DLGAP2: variants seen among roughly 807,000 people sequenced by gnomAD.
The protein encoded by DLGAP2 is disks large-associated protein 2.
Under a neutral mutation model 100.3 loss-of-function variants are expected in DLGAP2, and 26 were observed. The ratio of observed to expected loss-of-function variants is 0.26; its 90% CI spans 0.19 to 0.36. The LOEUF is 0.36. DLGAP2 is among the 10% of genes least tolerant of loss of function. The pLI, the probability that DLGAP2 is intolerant of heterozygous loss-of-function variation, is 1.00. For missense variants in DLGAP2, 1,858 were observed against 1,453.2 expected (o/e 1.28, Z -4.53); for synonymous variants, 886 against 630.1 (o/e 1.41, Z -6.08).
chr8:1,546,420 C>G (rs1175363889), intron 4 of DLGAP2, among the ~76,000 whole-genome samples: 2 of 152,214 alleles, frequency 1.3e-5, no homozygotes, highest in African/African-American at 4.8e-5. Flanking sequence ...AGAAGCCGGT[C>G]CCTGACTTCC....
At chr8:1,612,436 C>T (rs1366338486) in intron 6 of DLGAP2, among the ~76,000 whole-genome samples, 2 of 138,794 alleles carry the variant, frequency 1.4e-5, no homozygotes, top group African/African-American at 2.7e-5. Flanking sequence ...ACCATAAAAA[C>T]CCTAGAAGAA....
chr8:1,691,443 G>A (rs1799257736), intron 12 of DLGAP2, 92 bp from the exon 13 acceptor site: 2 of 1,074,778 alleles, frequency 1.9e-6, no homozygotes, highest in East Asian at 2.5e-5. Flanking sequence ...TCTCCAGTGG[G>A]ACTCGCTCCC....
chr8:1,127,671 G>A (rs1796199136), intron 2 of DLGAP2, among the ~76,000 whole-genome samples: 1 of 152,198 alleles, frequency 6.6e-6, no homozygotes, highest in Non-Finnish European at 1.5e-5. Context: ...GCAGAACCCT[G>A]GAGGGGAGAG....
At chr8:1,556,388 G>A (rs73671209) in intron 5 of DLGAP2, among the ~76,000 whole-genome samples, 1,806 of 152,114 alleles carry the variant, frequency 0.012, 50 homozygotes, top group African/African-American at 0.041. Flanking sequence ...GCAGGTGGAC[G>A]GGGTTTGGCT....
At chr8:1,606,283 A>G (rs1447524285) in intron 6 of DLGAP2, among the ~76,000 whole-genome samples, 5 of 151,166 alleles carry the variant, frequency 3.3e-5, no homozygotes, top group East Asian at 1.9e-4. Context: ...GAACCATACA[A>G]TTCATCCACT....
chr8:1,524,536 A>G (rs922662585), intron 4 of DLGAP2, among the ~76,000 whole-genome samples: 56 of 152,176 alleles, frequency 3.7e-4, no homozygotes, highest in African/African-American at 1.3e-3. Flanking sequence ...GGCAGAGCTG[A>G]ATCCTGCTGA....
At chr8:748,423 T>G (rs985826895) in intron 1 of DLGAP2, among the ~76,000 whole-genome samples, 1 of 151,770 alleles carries the variant, frequency 6.6e-6, no homozygotes. Flanking sequence ...GCCACAGGGG[T>G]GCAGGGCCCC....
intron 2 of DLGAP2, among the ~76,000 whole-genome samples, chr8:1,195,013 C>T (rs1369525846): frequency 1.3e-5 from 2 of 152,272 alleles, no homozygotes; most frequent in African/African-American, 2.4e-5. Context: ...GTGCCCTGCT[C>T]TCCTGAGAAG....
intron 1 of DLGAP2, among the ~76,000 whole-genome samples, chr8:889,632 C>T (rs922008575): frequency 1.3e-5 from 2 of 152,204 alleles, no homozygotes; most frequent in African/African-American, 2.4e-5. Context: ...ATTCAGCTTC[C>T]CTGGCTCCAG....
intron 3 of DLGAP2, among the ~76,000 whole-genome samples, chr8:1,309,530 T>C (rs984025615): frequency 2.6e-5 from 4 of 152,210 alleles, no homozygotes; most frequent in Non-Finnish European, 5.9e-5. Context: ...AAGGAGGAAG[T>C]AAGACATTCC....
chr8:1,582,693 G>A lies in DLGAP2; in HGVS notation c.1442+16799G>A, dbSNP rs188649484. ...CAACCTCTTTCTCCTGGGTTCAAAC[G>A]ATTCTCCTGCCTCAGCCTCCCGAGC... On this transcript the variant is annotated intron_variant, in intron 6 of 14. Transcript: ENST00000637795. 3.1e-3 allele frequency among the ~76,000 whole-genome samples: 479 copies of A among 152,172 alleles called. 6 individuals are homozygous for A. Among genetic ancestry groups the A allele is most frequent in the Non-Finnish European group, 3.3e-3 (222 of 68,004 alleles).
chr8:1,240,735 C>T lies in DLGAP2; in HGVS notation c.74-18116C>T, dbSNP rs528562037. Among the ~76,000 whole-genome samples the T allele has an allele frequency of 6.8e-4, 94 of 137,962 alleles. 2 individuals carry two copies. Among genetic ancestry groups the T allele is most frequent in the African/African-American group, 2.2e-3 (82 of 36,660 alleles). The allele number at this position is 137,962 out of a possible 152,430, so 90.5% of individuals were successfully genotyped here. ...CGTGTCTAGTTCTCTCACATGGCGCCGTGTCTGGTTCTCTCGCATGGCGCC... is the reference window on the plus strand; with the variant it reads ...CGTGTCTAGTTCTCTCACATGGCGCTGTGTCTGGTTCTCTCGCATGGCGCC... On this transcript the variant is annotated intron_variant, in intron 2 of 14. Transcript: ENST00000637795.
chr8:1,696,621 T>G (rs1247524817), intron 13 of DLGAP2, among the ~76,000 whole-genome samples: 1 of 152,252 alleles, frequency 6.6e-6, no homozygotes, highest in Non-Finnish European at 1.5e-5. Flanking sequence ...GCGTCACCTG[T>G]GCCTCCTAAG....
intron 6 of DLGAP2, among the ~76,000 whole-genome samples, chr8:1,626,519 A>G (rs112047557): frequency 0.11 from 7,200 of 62,722 alleles, 45 homozygotes; most frequent in African/African-American, 0.31. Context: ...TCCCATCTCT[A>G]CCCTGCAGCA....
At chr8:1,167,210 G>A (rs1359001106) in intron 2 of DLGAP2, among the ~76,000 whole-genome samples, 1 of 152,086 alleles carries the variant, frequency 6.6e-6, no homozygotes, top group Non-Finnish European at 1.5e-5. Flanking sequence ...GAAGAAAAAA[G>A]CACATGCATG....
At position 1,502,573 on chromosome 8, in the gene DLGAP2, C is replaced by G. The variant is rs146607251; in HGVS notation, c.172+1142C>G. ...CAGCCTTTCTTCACTCGGAAATAGA[C>G]GAGTGAAAGTATTTCGACTTCTCAT... is the stretch of plus-strand genomic sequence containing the variant. On this transcript the variant is annotated intron_variant, in intron 4 of 14. Transcript: ENST00000637795. Among the ~76,000 whole-genome samples the G allele has an allele frequency of 2.2e-3, 340 of 152,284 alleles. 2 individuals carry two copies. Among genetic ancestry groups the G allele is most frequent in the African/African-American group, 7.8e-3 (323 of 41,556 alleles).
chr8:1,250,963 A>T (rs1300417188), intron 2 of DLGAP2, among the ~76,000 whole-genome samples: 1 of 152,220 alleles, frequency 6.6e-6, no homozygotes, highest in Non-Finnish European at 1.5e-5. Context: ...TGACCTCGGT[A>T]CGTGGCACAG....
At chr8:1,222,443 T>C (rs992824320) in intron 2 of DLGAP2, among the ~76,000 whole-genome samples, 6 of 152,274 alleles carry the variant, frequency 3.9e-5, no homozygotes, top group Admixed American at 1.3e-4. Flanking sequence ...CAAGTTTAAG[T>C]ACCTGCTGTG....
chr8:1,523,733 C>T (rs1326122155), intron 4 of DLGAP2, among the ~76,000 whole-genome samples: 3 of 152,174 alleles, frequency 2.0e-5, no homozygotes, highest in African/African-American at 4.8e-5. Flanking sequence ...CTAGAGATCC[C>T]GCAGTGTCTG....
Sources: gnomAD v4.1 joint callset for allele counts (sites outside exome capture counted in the v4.1 genomes callset) on GRCh38, gnomAD v4.1.1 for gene constraint, MANE v1.5 for transcripts, NCBI Gene and HGNC (gene_info 2026-07-23, HGNC 2026-07-21) for gene names.